Variants in XPO5 observed in about 807,000 individuals in gnomAD.
XPO5 encodes the protein exportin 5.
A neutral mutation model predicts 160.6 loss-of-function variants in XPO5; 46 were observed. The ratio of observed to expected loss-of-function variants is 0.29; its 90% CI spans 0.23 to 0.37. XPO5 has a LOEUF of 0.37. XPO5 is among the 10% of genes least tolerant of loss of function. The pLI, the probability that XPO5 is intolerant of heterozygous loss-of-function variation, is 1.00. For synonymous variants in XPO5, 537 were observed against 519.3 expected (o/e 1.03, Z -0.46); for missense variants, 1,090 against 1,463.9 (o/e 0.74, Z 4.17).
In XPO5 at chr6:43,533,894, T is replaced by C. The variant is rs754820642; in HGVS notation, c.2443+13A>G. 1.9e-6 allele frequency: 3 copies of C among 1,579,104 alleles called. No homozygotes were observed. Among genetic ancestry groups the C allele is most frequent in the Non-Finnish European group, 2.6e-6 (3 of 1,155,774 alleles). On this transcript the variant is annotated intron_variant, in intron 21 of 31. Transcript: ENST00000265351. ...AAGATAAACCTTAGGAGAAAAAAGG[T>C]TACATTTCTTACCTAATATAGCAGA... is the stretch of plus-strand genomic sequence containing the variant.
rs755052091 is a variant in XPO5, at chr6:43,539,175, G to T, written c.2343-5168C>A. ...GTCACCTTGCAGGGGACGGTGTGGG[G>T]CTTGCCGATCTTGTTCCCCTAGTAG... On this transcript the variant is annotated intron_variant, in intron 20 of 31. Transcript: ENST00000265351. 749 of 1,113,664 alleles carry T rather than the reference G, an allele frequency of 6.7e-4. 1 individual carries two copies. The highest frequency in any genetic ancestry group is 5.1e-4 in the Non-Finnish European group (388 of 757,714). 69.0% of individuals were successfully genotyped at this position (1,113,664 alleles called of 1,614,324 possible). A position where few individuals can be genotyped will look rare whatever the true frequency, so the allele number is the denominator to read the frequency against.
At chr6:43,533,116 CAG>C (rs1215281619) in intron 21 of XPO5, among the ~76,000 whole-genome samples, 1 of 151,968 alleles carries the variant, frequency 6.6e-6, no homozygotes, top group African/African-American at 2.4e-5. Flanking sequence ...GCCTGGGTGA[CAG>C]AGTGAGACTC....
intron 8 of XPO5, among the ~76,000 whole-genome samples, chr6:43,563,842 G>C (rs1327103967): frequency 6.6e-6 from 1 of 152,200 alleles, no homozygotes. Context: ...TCCAGAGTGA[G>C]TGGTGAGTGA....
chr6:43,546,746 A>C lies in XPO5; in HGVS notation c.2167T>G (p.Phe723Val). ...ACACCCAGAATGCTGTATACACAAA[A>C]GCTCATCTATAGAAAAATAAGAATG... is the stretch of plus-strand genomic sequence containing the variant. ...PCGLNRARMS[F>V]CVYSILGVVK... The change falls in exon 20 of 32, where the codon TTT becomes GTT. Residue 723 changes from phenylalanine to valine, a missense_variant. This residue lies in a region of XPO5 where 810 missense variants were observed against 1,139.0 expected (regional missense o/e 0.71). Transcript: ENST00000265351. The C allele has an allele frequency of 6.3e-7, 1 of 1,584,252 alleles. No homozygotes were observed. Among genetic ancestry groups the C allele is most frequent in the Non-Finnish European group, 8.5e-7 (1 of 1,169,742 alleles).
At chr6:43,568,815 T>A in intron 5 of XPO5, 78 bp from the exon 6 acceptor site, 1 of 1,241,506 alleles carries the variant, frequency 8.1e-7, no homozygotes. Flanking sequence ...CACAAATCAA[T>A]GCCCTTGAAT....
chr6:43,555,708 G>A lies in XPO5; in HGVS notation c.1441+128C>T, dbSNP rs571013935. The A allele has an allele frequency of 1.2e-5, 14 of 1,172,334 alleles. No homozygotes were observed. The South Asian group carries it at 1.7e-4, about 14-fold the overall frequency. The allele number at this position is 1,172,334 out of a possible 1,614,324, so 72.6% of individuals were successfully genotyped here. On this transcript the variant is annotated intron_variant, in intron 13 of 31. Coordinates refer to ENST00000265351, the MANE Select transcript of XPO5 (RefSeq NM_020750.3). ...AATGAAAACGCTCCCTCTCCAGGAT[G>A]AGCAAAGCTATTTTTGAATAGTATA...
At chr6:43,551,758 T>C (rs1795240225) in intron 14 of XPO5, among the ~76,000 whole-genome samples, 1 of 152,184 alleles carries the variant, frequency 6.6e-6, no homozygotes, top group Non-Finnish European at 1.5e-5. Flanking sequence ...CTCAAACTCC[T>C]GGTTTCAAGT....
At chr6:43,538,596 G>A (rs183233237) in intron 20 of XPO5, among the ~76,000 whole-genome samples, 243 of 152,270 alleles carry the variant, frequency 1.6e-3, no homozygotes, top group African/African-American at 5.5e-3. Context: ...CAATGGAAAT[G>A]TGGTTATATT....
Position 43,524,020 on chromosome 6 carries a change from T to G in XPO5, c.3478-15A>C, listed in dbSNP as rs202110100. The G allele has an allele frequency of 8.6e-5, 138 of 1,609,564 alleles. 3 individuals carry two copies. In the East Asian group the frequency reaches 2.0e-3, roughly 23 times the overall value. On this transcript the variant is annotated splice_polypyrimidine_tract_variant and intron_variant, in intron 31 of 31. Transcript: ENST00000265351. ...CCCAAGGGTTTCTGTGGAAAACAAA[T>G]GAGAAAGAATTAATGCTGGGCCCTC...
chr6:43,522,583 G>A lies in XPO5; in HGVS notation c.*1285C>T, dbSNP rs941391429. 2 of 331,764 alleles carry A rather than the reference G, an allele frequency of 6.0e-6. No homozygotes were observed. 20.6% of individuals were successfully genotyped at this position (331,764 alleles called of 1,614,324 possible). On this transcript the variant is annotated 3_prime_UTR_variant, in exon 32 of 32. Coordinates refer to ENST00000265351, the MANE Select transcript of XPO5 (RefSeq NM_020750.3). ...CCACAGAAACCCAGAGCACCACACAGGAAGAGGGAGCAACACAAGACTCCC... is the reference window on the plus strand; with the variant it reads ...CCACAGAAACCCAGAGCACCACACAAGAAGAGGGAGCAACACAAGACTCCC...
intron 16 of XPO5, 123 bp downstream of exon 16, chr6:43,549,770 T>C (rs747136082): frequency 2.5e-6 from 3 of 1,214,360 alleles, no homozygotes; most frequent in Non-Finnish European, 2.3e-6. Context: ...CAAAACAACA[T>C]ATATGATAAT....
intron 14 of XPO5, 65 bp from the exon 15 acceptor site, chr6:43,551,518 A>G: frequency 6.3e-7 from 1 of 1,579,474 alleles, no homozygotes; most frequent in Non-Finnish European, 8.6e-7. Flanking sequence ...CATTTTGGCT[A>G]CATTTTATTT....
At chr6:43,562,393 G>A in intron 8 of XPO5, 47 bp from the exon 9 acceptor site, 1 of 1,390,422 alleles carries the variant, frequency 7.2e-7, no homozygotes, top group African/African-American at 1.4e-5. Flanking sequence ...TAAAAAGGCT[G>A]TAATAAAAAC....
chr6:43,558,705 A>T, intron 11 of XPO5, 114 bp from the exon 12 acceptor site: 1 of 756,576 alleles, frequency 1.3e-6, no homozygotes, highest in Non-Finnish European at 2.1e-6. Flanking sequence ...CGTTTGCATG[A>T]GATATTGTAT....
In XPO5 at chr6:43,522,689, C is replaced by A. The variant is rs1290825397; in HGVS notation, c.*1179G>T. On this transcript the variant is annotated 3_prime_UTR_variant, in exon 32 of 32. Coordinates refer to ENST00000265351, the MANE Select transcript of XPO5 (RefSeq NM_020750.3). ...ACCAGCTAAAAACTGTAGCTTCAGT[C>A]CACTTCGGCTCTCGGGGAAACCCTC... The A allele has an allele frequency of 4.1e-6, 2 of 493,532 alleles. No homozygotes were observed. Among genetic ancestry groups the A allele is most frequent in the East Asian group, 5.9e-5 (1 of 16,978 alleles). The allele number at this position is 493,532 out of a possible 1,614,324, so 30.6% of individuals were successfully genotyped here.
chr6:43,539,206 G>C, intron 20 of XPO5: 1 of 1,156,184 alleles, frequency 8.6e-7, no homozygotes, highest in Non-Finnish European at 1.3e-6. Context: ...AGTAGCCTCT[G>C]TGCACGGGGA....
At chr6:43,560,093 A>G in intron 11 of XPO5, 85 bp downstream of exon 11, 1 of 1,483,094 alleles carries the variant, frequency 6.7e-7, no homozygotes, top group Non-Finnish European at 9.1e-7. Context: ...AGCTGGGATT[A>G]TAGGCGTGAG....
In XPO5 at chr6:43,560,910, T is replaced by G. The variant is rs41281824; in HGVS notation, c.1095+14A>C. The G allele has an allele frequency of 1.4e-3, 2,332 of 1,608,280 alleles. 31 individuals carry two copies. The highest frequency in any genetic ancestry group is 0.012 in the South Asian group (1,060 of 90,962). On this transcript the variant is annotated intron_variant, in intron 10 of 31. Coordinates refer to ENST00000265351, the MANE Select transcript of XPO5 (RefSeq NM_020750.3). ...CTAACTAAACTTTTGAGAAGTTACC[T>G]GTATAAAGTTTACCTGACTTGGATG... is the stretch of plus-strand genomic sequence containing the variant.
intron 13 of XPO5, 71 bp downstream of exon 13, chr6:43,555,765 G>A: frequency 6.3e-7 from 1 of 1,584,814 alleles, no homozygotes; most frequent in Non-Finnish European, 8.6e-7. Context: ...TATAGCTCAG[G>A]CTCATTTCCT....
Sources: allele counts gnomAD v4.1 joint callset (sites outside exome capture counted in the v4.1 genomes callset), GRCh38; gene constraint gnomAD v4.1.1; regional missense constraint gnomAD v4.1.1; transcripts MANE v1.5; gene names NCBI Gene and HGNC (gene_info 2026-07-23, HGNC 2026-07-21).